ATAD3B: variants seen among roughly 807,000 people sequenced by gnomAD.
ATAD3B encodes ATPase family AAA domain containing 3B.
A neutral mutation model predicts 70.2 loss-of-function variants in ATAD3B; 59 were observed. That is an observed-to-expected ratio of 0.84 (90% confidence interval 0.68 to 1.04). The LOEUF is 1.04. Ranked by LOEUF, ATAD3B falls within the 50% of genes least tolerant of loss-of-function variation. ATAD3B has a pLI of 0.00. For synonymous variants in ATAD3B, 423 were observed against 388.6 expected (o/e 1.09, Z -1.04); for missense variants, 961 against 913.4 (o/e 1.05, Z -0.67).
At chr1:1,499,195 TCTC>T (rs1347584209), downstream of ATAD3B, among the ~76,000 whole-genome samples, 2 of 149,622 alleles carry the variant, frequency 1.3e-5, no homozygotes, top group Admixed American at 6.7e-5. Flanking sequence ...ATGGTCTCGA[TCTC>T]CTGACCTCGT....
the ATAD3B span, among the ~76,000 whole-genome samples, chr1:1,506,241 A>T: frequency 6.6e-6 from 1 of 152,040 alleles, no homozygotes; most frequent in East Asian, 2.0e-4. Flanking sequence ...TCGCAAAAAA[A>T]TAAAATAAGT....
intron 4 of ATAD3B, among the ~76,000 whole-genome samples, chr1:1,480,610 C>T (rs1450122871): frequency 1.4e-5 from 2 of 147,356 alleles, no homozygotes; most frequent in African/African-American, 2.5e-5. Context: ...GGTCGGCCCG[C>T]GGTGGCCCTT....
chr1:1,504,825 T>G, the ATAD3B span, among the ~76,000 whole-genome samples: 1 of 152,170 alleles, frequency 6.6e-6, no homozygotes, highest in Admixed American at 6.5e-5. Context: ...AGAGAGTGAC[T>G]GAGCTCTCAC....
chr1:1,501,934 A>G (rs1640953969), downstream of ATAD3B, among the ~76,000 whole-genome samples: 1 of 151,670 alleles, frequency 6.6e-6, no homozygotes, highest in South Asian at 2.1e-4. Context: ...GCTGGAGTAT[A>G]GTGTCACTGT....
chr1:1,489,416 G>T, intron 13 of ATAD3B, 142 bp downstream of exon 13: 1 of 1,430,966 alleles, frequency 7.0e-7, no homozygotes, highest in Non-Finnish European at 9.5e-7. Flanking sequence ...CCTGGGAACG[G>T]CCCAGCTCGG....
chr1:1,509,000 C>T, the ATAD3B span, among the ~76,000 whole-genome samples: 16 of 151,744 alleles, frequency 1.1e-4, no homozygotes, highest in Non-Finnish European at 1.8e-4. Context: ...GTGCTGAGGA[C>T]GCAGGCAGGG....
chr1:1,501,260 A>ATT (rs528600925), downstream of ATAD3B, among the ~76,000 whole-genome samples: 1,246 of 131,326 alleles, frequency 9.5e-3, 16 homozygotes, highest in African/African-American at 0.027. Flanking sequence ...TAATTTTTGT[A>ATT]TTTTTTTTTT....
At chr1:1,486,025 C>T (rs554610574) in intron 9 of ATAD3B, 85 bp from the exon 10 acceptor site, 36 of 1,603,032 alleles carry the variant, frequency 2.2e-5, no homozygotes, top group Middle Eastern at 1.8e-4. Flanking sequence ...GAGCAGAGTC[C>T]GCACCCGGGC....
chr1:1,481,883 C>T (rs1015872426), intron 5 of ATAD3B, among the ~76,000 whole-genome samples: 11 of 152,138 alleles, frequency 7.2e-5, no homozygotes, highest in Admixed American at 1.3e-4. Context: ...GTGGGTCGGT[C>T]CATGGCCTTA....
chr1:1,492,094 G>A (rs1640567540), intron 15 of ATAD3B, among the ~76,000 whole-genome samples: 1 of 151,746 alleles, frequency 6.6e-6, no homozygotes. Flanking sequence ...GCTGAGGTGG[G>A]AGGGTCACTT....
At chr1:1,474,834 G>A (rs1639514387) in intron 1 of ATAD3B, among the ~76,000 whole-genome samples, 1 of 151,632 alleles carries the variant, frequency 6.6e-6, no homozygotes, top group African/African-American at 2.4e-5. Context: ...GGTTAGGATG[G>A]GAATCAAGGG....
In ATAD3B at chr1:1,485,807, C is replaced by T. The variant is rs1368416449; in HGVS notation, c.932C>T (p.Pro311Leu). The stretch of plus-strand genomic sequence containing the variant: ...GTCAGCCGGCGGCTCCTCAGTCGAC[C>T]CCAGGACGTGCTGGAGGGTGTTGTG... ...IQVSRRLLSR[P>L]QDVLEGVVLS... Residue 311 changes from proline (P) to leucine (L), a missense_variant, in exon 9 of 16, where the codon CCC becomes CTC. This residue lies in a region of ATAD3B where 349 missense variants were observed against 307.5 expected (regional missense o/e 1.14). Transcript: ENST00000673477. 8 of 1,613,034 alleles carry T rather than the reference C, an allele frequency of 5.0e-6. No individual in the cohort carries two copies. The highest frequency in any genetic ancestry group is 1.7e-5 in the Admixed American group (1 of 59,932).
At chr1:1,486,835 G>T (rs569861345) in intron 11 of ATAD3B, among the ~76,000 whole-genome samples, 167 bp downstream of exon 11, 2 of 149,982 alleles carry the variant, frequency 1.3e-5, no homozygotes, top group African/African-American at 2.5e-5. Flanking sequence ...AGTCCCCTGA[G>T]TGTGGACCCT....
At chr1:1,503,579 T>G in the ATAD3B span, 1 of 1,609,876 alleles carries the variant, frequency 6.2e-7, no homozygotes, top group South Asian at 1.1e-5. Flanking sequence ...CCCCTGTGCC[T>G]GCAGGCCACA....
intron 7 of ATAD3B, 42 bp from the exon 8 acceptor site, chr1:1,484,974 G>T: frequency 6.3e-7 from 1 of 1,579,006 alleles, no homozygotes; most frequent in Non-Finnish European, 8.6e-7. Context: ...AGGAGGGAGG[G>T]ACGGTGGGGG....
chr1:1,482,350 G>A (rs1208978874), intron 6 of ATAD3B, 47 bp downstream of exon 6: 2 of 1,547,764 alleles, frequency 1.3e-6, no homozygotes, highest in African/African-American at 3.0e-5. Flanking sequence ...AGCCCCGCAG[G>A]TGTGAGTCGC....
At chr1:1,503,346 G>C in the ATAD3B span, 1 of 489,084 alleles carries the variant, frequency 2.0e-6, no homozygotes, top group African/African-American at 1.9e-5. Flanking sequence ...CCTTCCTGAT[G>C]TGGCTCTCCA....
chr1:1,471,902 C>G lies in ATAD3B; in HGVS notation c.18C>G (p.Gly6=). 7.9e-7 allele frequency: 1 copy of G among 1,273,622 alleles called. No homozygotes were observed. The highest frequency in any genetic ancestry group is 1.0e-6 in the Non-Finnish European group (1 of 1,004,864). The allele number at this position is 1,273,622 out of a possible 1,614,324, so 78.9% of individuals were successfully genotyped here. A position where few individuals can be genotyped will look rare whatever the true frequency, so the allele number is the denominator to read the frequency against. ...GTGCGAGCATGTCGTGGCTCTTCGGCGTTAACAAGGGCCCCAAGGGTGAAG... is the reference window on the plus strand; with the variant it reads ...GTGCGAGCATGTCGTGGCTCTTCGGGGTTAACAAGGGCCCCAAGGGTGAAG... MSWLF[G]VNKGPKGEGA... Residue 6 remains glycine, a synonymous_variant, in exon 1 of 16, where the codon GGC becomes GGG. Coordinates refer to ENST00000673477, the MANE Select transcript of ATAD3B (RefSeq NM_031921.6).
intron 8 of ATAD3B, 83 bp downstream of exon 8, chr1:1,485,254 TC>T (rs1640143666): frequency 6.5e-7 from 1 of 1,542,012 alleles, no homozygotes; most frequent in Non-Finnish European, 8.8e-7. Context: ...ACGCACACCC[TC>T]CCGTCCCTTC....
Sources: allele counts gnomAD v4.1 joint callset (sites outside exome capture counted in the v4.1 genomes callset), GRCh38; gene constraint gnomAD v4.1.1; regional missense constraint gnomAD v4.1.1; transcripts MANE v1.5; gene names NCBI Gene and HGNC (gene_info 2026-07-23, HGNC 2026-07-21).